The following ZAN variants were observed in gnomAD, a reference collection of about 807,000 sequenced individuals.
ZAN encodes the protein zonadhesin (gene/pseudogene).
ZAN carries 260 observed loss-of-function variants against 286.2 expected under a neutral mutation model. The ratio of observed to expected loss-of-function variants is 0.91; its 90% CI spans 0.82 to 1.01. The LOEUF (loss-of-function observed/expected upper bound fraction) is 1.01, where lower values mean the gene tolerates loss of function less well. Ranked by LOEUF, ZAN falls within the 50% of genes least tolerant of loss-of-function variation. The probability of loss-of-function intolerance (pLI) is 0.00; values close to 1 mark genes in which losing one functional copy is unlikely to be tolerated. For synonymous variants in ZAN, 1,368 were observed against 1,417.5 expected (o/e 0.97, Z 0.79); for missense variants, 3,410 against 3,639.2 (o/e 0.94, Z 1.62).
intron 23 of ZAN, among the ~76,000 whole-genome samples, chr7:100,766,161 A>G (rs1255239020): frequency 6.6e-6 from 1 of 150,886 alleles, no homozygotes; most frequent in Admixed American, 6.6e-5. Context: ...TAATTTTTGT[A>G]TTTTTAGTAC....
chr7:100,772,828 A>T (rs77592903), intron 29 of ZAN, among the ~76,000 whole-genome samples: 1 of 149,408 alleles, frequency 6.7e-6, no homozygotes, highest in Non-Finnish European at 1.5e-5. Flanking sequence ...ACAAGAAAAA[A>T]AAAATTGTTA....
chr7:100,771,929 C>T lies in ZAN; in HGVS notation c.5334C>T (p.Asp1778=), dbSNP rs768838412. 3 of 1,612,836 alleles carry T rather than the reference C, an allele frequency of 1.9e-6. No individual in the cohort carries two copies. The highest frequency in any genetic ancestry group is 2.5e-6 in the Non-Finnish European group (3 of 1,179,828). Residue 1778 remains aspartate, a synonymous_variant, in exon 29 of 48, where the codon GAC becomes GAT. Coordinates refer to ENST00000613979, the MANE Select transcript of ZAN (RefSeq NM_003386.3). The stretch of plus-strand genomic sequence containing the variant: ...ATGGTCAGTGTGGGACCAAGGGCGA[C>T]ACCACAGCCCTGTGCCGCTCCCTGC... ...CVHGQCGTKG[D]TTALCRSLQA... is the part of the protein sequence containing the mutation.
intron 13 of ZAN, 93 bp downstream of exon 13, chr7:100,751,359 G>A (rs1463931390): frequency 2.2e-6 from 2 of 891,372 alleles, no homozygotes; most frequent in African/African-American, 1.8e-5. Context: ...AGTCCTCCCT[G>A]GAGCCCGAAT....
intron 35 of ZAN, among the ~76,000 whole-genome samples, chr7:100,780,650 G>C (rs1811137153): frequency 1.0e-5 from 1 of 100,346 alleles, no homozygotes; most frequent in African/African-American, 3.1e-5. Flanking sequence ...GACAGAGTGA[G>C]ACTCTCAGAA....
chr7:100,751,297 G>A (rs754892622), intron 13 of ZAN, 31 bp downstream of exon 13: 12 of 1,505,560 alleles, frequency 8.0e-6, no homozygotes, highest in Admixed American at 2.2e-5. Flanking sequence ...CCAGGAAGGG[G>A]GCGGTGCCCT....
rs1812017854 is a variant in ZAN at position 100,792,134 on chromosome 7, A to G, written c.7698A>G (p.Pro2566=). 6.2e-7 allele frequency: 1 copy of G among 1,609,304 alleles called. No homozygotes were observed. The highest frequency in any genetic ancestry group is 1.7e-5 in the Admixed American group (1 of 59,538). ...CTGCCTGTCACCAGACGGTGGCCCCAGAGCCCTTCCAAGAGTGAGTCATGG... is the reference window on the plus strand; with the variant it reads ...CTGCCTGTCACCAGACGGTGGCCCCGGAGCCCTTCCAAGAGTGAGTCATGG... ...PFAACHQTVA[P]EPFQEHCVLD... is the part of the protein sequence containing the mutation. Residue 2566 remains proline (P), a synonymous_variant, in exon 41 of 48, where the codon CCA becomes CCG. Transcript: ENST00000613979.
intron 6 of ZAN, among the ~76,000 whole-genome samples, chr7:100,737,755 G>A (rs941109374): frequency 7.3e-6 from 1 of 137,516 alleles, no homozygotes; most frequent in Non-Finnish European, 1.6e-5. Flanking sequence ...TGGCTGTATT[G>A]GGTCTGCCAG....
At chr7:100,775,991 G>A (rs1223187099) in intron 33 of ZAN, among the ~76,000 whole-genome samples, 158 bp downstream of exon 33, 2 of 151,962 alleles carry the variant, frequency 1.3e-5, no homozygotes, top group Admixed American at 1.3e-4. Context: ...TGTGTAGGGT[G>A]GACAAGAGTG....
chr7:100,764,879 TAA>T (rs888713716), intron 22 of ZAN, among the ~76,000 whole-genome samples: 2 of 144,686 alleles, frequency 1.4e-5, no homozygotes, highest in African/African-American at 2.5e-5. Context: ...ACTCTGTCTT[TAA>T]AAAAAAAAAA....
intron 35 of ZAN, among the ~76,000 whole-genome samples, chr7:100,780,132 G>A (rs1467487725): frequency 6.6e-6 from 1 of 151,648 alleles, no homozygotes; most frequent in Non-Finnish European, 1.5e-5. Context: ...GGCGGAGGTT[G>A]TAGTGAGCCG....
Position 100,759,625 on chromosome 7 carries a change from G to A in ZAN, c.3572-96G>A, listed in dbSNP as rs138860759. The stretch of plus-strand genomic sequence containing the variant: ...ACTTTGGGGCTGGTGTCTCGGTGGC[G>A]CTCATCTCTCCCTGCGGCGCCAGGC... On this transcript the variant is annotated intron_variant, in intron 17 of 47. Transcript: ENST00000613979. 1.0e-3 allele frequency: 1,342 copies of A among 1,314,640 alleles called. 14 individuals are homozygous for A. In the African/African-American group the frequency reaches 0.018, roughly 18 times the overall value. 81.4% of individuals were successfully genotyped at this position (1,314,640 alleles called of 1,614,324 possible). A position where few individuals can be genotyped will look rare whatever the true frequency, so the allele number is the denominator to read the frequency against.
intron 38 of ZAN, 56 bp from the exon 39 acceptor site, chr7:100,789,162 T>C: frequency 6.4e-7 from 1 of 1,568,194 alleles, no homozygotes; most frequent in Non-Finnish European, 8.7e-7. Flanking sequence ...AGCCAGGAAA[T>C]GGCAGCAGGT....
rs1808237283 is a variant in ZAN, at chr7:100,746,615, T to C, written c.844T>C (p.Ser282Pro). ...TGTCCTCCTGAGCCCCGTGAGCCTG[T>C]CCTCTGGCTGTCTGAGCTTTTCCTT... ...KAVLLSPVSL[S>P]SGCLSFSFHY... Residue 282 changes from serine to proline, a missense_variant, in exon 8 of 48, where the codon TCC becomes CCC. Coordinates refer to ENST00000613979, the MANE Select transcript of ZAN (RefSeq NM_003386.3). The C allele has an allele frequency of 6.2e-7, 1 of 1,613,986 alleles. No individual in the cohort carries two copies. Among genetic ancestry groups the C allele is most frequent in the Non-Finnish European group, 8.5e-7 (1 of 1,179,888 alleles).
At chr7:100,786,204 A>G in intron 37 of ZAN, 63 bp downstream of exon 37, 1 of 1,600,030 alleles carries the variant, frequency 6.2e-7, no homozygotes, top group Non-Finnish European at 8.5e-7. Flanking sequence ...GAGGTGGAGG[A>G]AGAGGCAGGG....
chr7:100,777,917 G>A (rs1810928842), intron 34 of ZAN, among the ~76,000 whole-genome samples: 1 of 152,056 alleles, frequency 6.6e-6, no homozygotes, highest in African/African-American at 2.4e-5. Flanking sequence ...TGACTTCTGG[G>A]CATTCTGGGG....
Position 100,751,267 on chromosome 7 carries a change from G to T in ZAN, c.1606+1G>T, listed in dbSNP as rs200690150. ...TTGATCAATCCTGGGACTTGTCCAG[G>T]TAAGACCAAAGCCCAGGCTCCAGGA... is the stretch of plus-strand genomic sequence containing the variant. On this transcript the variant is annotated splice_donor_variant, in intron 13 of 47. Transcript: ENST00000613979. LOFTEE classifies it high-confidence loss of function. The T allele has an allele frequency of 3.7e-4, 580 of 1,581,270 alleles. No homozygotes were observed. The highest frequency in any genetic ancestry group is 4.1e-4 in the Non-Finnish European group (477 of 1,163,878).
Position 100,784,700 on chromosome 7 carries a change from C to A in ZAN, c.6700C>A (p.Arg2234=), listed in dbSNP as rs373100732. 92 of 1,613,774 alleles carry A rather than the reference C, an allele frequency of 5.7e-5. No homozygotes were observed. Among genetic ancestry groups the A allele is most frequent in the Non-Finnish European group, 7.7e-5 (91 of 1,179,892 alleles). Residue 2234 remains arginine, a synonymous_variant, in exon 36 of 48, where the codon CGG becomes AGG. Transcript: ENST00000613979. ...ACCCTCCTGCTGGGACCTGGATGGC[C>A]GGTGTGAGGGCGCCAAAGTCCCCTC... is the stretch of plus-strand genomic sequence containing the variant. ...CSPSCWDLDG[R]CEGAKVPSAC... is the part of the protein sequence containing the mutation.
In ZAN at chr7:100,776,536, A is replaced by G; in HGVS notation, c.6289A>G (p.Ser2097Gly). ...VANSDSEFVN[S>G]WKDKDIDPSC... is the part of the protein sequence containing the mutation. ...AAATAGTGACAGTGAATTTGTGAAC[A>G]GTTGGAAAGATAAGGACATTGACCC... Residue 2097 changes from serine to glycine, a missense_variant, in exon 34 of 48, where the codon AGT becomes GGT. This residue lies in a region of ZAN where 1,289 missense variants were observed against 1,314.3 expected (regional missense o/e 0.98). Transcript: ENST00000613979. 1 of 1,563,416 alleles carries G rather than the reference A, an allele frequency of 6.4e-7. No homozygotes were observed.
intron 45 of ZAN, 35 bp downstream of exon 45, chr7:100,795,371 A>G: frequency 2.0e-6 from 3 of 1,482,214 alleles, no homozygotes; most frequent in Non-Finnish European, 2.7e-6. Context: ...TACCCTCACA[A>G]CCTCTTCCTG....
Sources: allele counts gnomAD v4.1 joint callset (sites outside exome capture counted in the v4.1 genomes callset), GRCh38; gene constraint gnomAD v4.1.1; regional missense constraint gnomAD v4.1.1; transcripts MANE v1.5; gene names NCBI Gene and HGNC (gene_info 2026-07-23, HGNC 2026-07-21).